Variants in SEMA6D observed in about 807,000 individuals in gnomAD.
The protein encoded by SEMA6D is semaphorin 6D.
In SEMA6D, 35 loss-of-function variants were observed where a neutral mutation model predicts 106.6. That is an observed-to-expected ratio of 0.33 (90% CI 0.25 to 0.44). SEMA6D has a LOEUF of 0.44. SEMA6D is among the 20% of genes least tolerant of loss of function. SEMA6D has a pLI of 1.00. For missense variants in SEMA6D, 1,185 were observed against 1,345.9 expected (o/e 0.88, Z 1.87); for synonymous variants, 499 against 487.7 (o/e 1.02, Z -0.31).
chr15:47,220,563 G>A (rs1229139675), intron 1 of SEMA6D, among the ~76,000 whole-genome samples: 1 of 151,946 alleles, frequency 6.6e-6, no homozygotes. Flanking sequence ...AGGGGGAATG[G>A]GCTCACCAAA....
chr15:47,336,920 A>G (rs1263037578), intron 1 of SEMA6D, among the ~76,000 whole-genome samples: 2 of 152,150 alleles, frequency 1.3e-5, no homozygotes, highest in African/African-American at 2.4e-5. Context: ...AGATCAGCTC[A>G]GTGGGTTGGA....
chr15:47,682,911 A>C (rs1034195269), intron 4 of SEMA6D, among the ~76,000 whole-genome samples: 2 of 152,226 alleles, frequency 1.3e-5, no homozygotes, highest in African/African-American at 4.8e-5. Flanking sequence ...TTTCCCCAGC[A>C]AAAGTGCATG....
At chr15:47,442,987 G>A (rs996149932) in intron 2 of SEMA6D, among the ~76,000 whole-genome samples, 21 of 152,064 alleles carry the variant, frequency 1.4e-4, no homozygotes, top group Non-Finnish European at 2.8e-4. Flanking sequence ...AAACAGACAG[G>A]CAAATACTTC....
intron 1 of SEMA6D, among the ~76,000 whole-genome samples, chr15:47,243,479 A>AT (rs2033034372): frequency 6.6e-6 from 1 of 151,936 alleles, no homozygotes; most frequent in Admixed American, 6.6e-5. Context: ...TTTGGGGAGT[A>AT]TTGATTTTAA....
At chr15:47,400,180 C>A (rs1036442194) in intron 1 of SEMA6D, among the ~76,000 whole-genome samples, 1 of 152,254 alleles carries the variant, frequency 6.6e-6, no homozygotes, top group South Asian at 2.1e-4. Flanking sequence ...TACTTCCCAG[C>A]GAACACACTG....
chr15:47,730,347 A>G, intron 1 of SEMA6D: 2 of 1,455,046 alleles, frequency 1.4e-6, no homozygotes, highest in East Asian at 4.5e-5. Context: ...ACAGTGGTGC[A>G]GGTCTTCCTG....
At chr15:47,293,693 A>C (rs1333894897) in intron 1 of SEMA6D, among the ~76,000 whole-genome samples, 1 of 152,198 alleles carries the variant, frequency 6.6e-6, no homozygotes, top group African/African-American at 2.4e-5. Context: ...GGGAGTAGGA[A>C]AGCAGTCTGT....
At chr15:47,388,248 T>C (rs1051916827) in intron 1 of SEMA6D, among the ~76,000 whole-genome samples, 2 of 152,230 alleles carry the variant, frequency 1.3e-5, no homozygotes, top group Non-Finnish European at 2.9e-5. Context: ...GAGTTGTTTT[T>C]ATATTGATAT....
chr15:47,737,604 G>A (rs1369251109), intron 1 of SEMA6D, among the ~76,000 whole-genome samples: 1 of 151,824 alleles, frequency 6.6e-6, no homozygotes, highest in Non-Finnish European at 1.5e-5. Context: ...GAGGATTACT[G>A]GTTTTCATTA....
chr15:47,645,951 G>A (rs948365970), intron 4 of SEMA6D, among the ~76,000 whole-genome samples: 3 of 152,156 alleles, frequency 2.0e-5, no homozygotes, highest in African/African-American at 7.2e-5. Context: ...GAGGCACCGA[G>A]CTTCCGTGTC....
intron 3 of SEMA6D, among the ~76,000 whole-genome samples, chr15:47,526,346 G>T (rs1004969377): frequency 6.6e-6 from 1 of 152,124 alleles, no homozygotes; most frequent in Non-Finnish European, 1.5e-5. Context: ...CTGGAAAGGG[G>T]GGTCCTTTTT....
intron 3 of SEMA6D, among the ~76,000 whole-genome samples, chr15:47,587,914 G>A (rs745508103): frequency 1.3e-5 from 2 of 152,006 alleles, no homozygotes; most frequent in Non-Finnish European, 2.9e-5. Flanking sequence ...GTAGCTAAAT[G>A]AGAGTTGAGA....
At chr15:47,232,844 A>G (rs1198699319) in intron 1 of SEMA6D, among the ~76,000 whole-genome samples, 1 of 151,800 alleles carries the variant, frequency 6.6e-6, no homozygotes, top group Non-Finnish European at 1.5e-5. Context: ...CCATCATCAG[A>G]TATATGAAGT....
chr15:47,347,114 G>T (rs575690697), intron 1 of SEMA6D, among the ~76,000 whole-genome samples: 2 of 152,120 alleles, frequency 1.3e-5, no homozygotes, highest in South Asian at 2.1e-4. Flanking sequence ...CACCATGTTG[G>T]CCAGGCTGGT....
chr15:47,662,966 G>C (rs559351406), intron 4 of SEMA6D, among the ~76,000 whole-genome samples: 1 of 152,094 alleles, frequency 6.6e-6, no homozygotes, highest in East Asian at 1.9e-4. Context: ...AAATAGTTTA[G>C]CCAGGAGGAA....
chr15:47,423,168 G>C (rs1195116500), intron 2 of SEMA6D, among the ~76,000 whole-genome samples: 1 of 152,018 alleles, frequency 6.6e-6, no homozygotes, highest in Non-Finnish European at 1.5e-5. Flanking sequence ...CTTATGCTTA[G>C]GGAACATTTA....
At chr15:47,400,295 G>A (rs999366910) in intron 1 of SEMA6D, among the ~76,000 whole-genome samples, 1 of 152,064 alleles carries the variant, frequency 6.6e-6, no homozygotes, top group African/African-American at 2.4e-5. Flanking sequence ...TTCAAGACCA[G>A]CTTGGCCAAC....
chr15:47,225,563 G>T (rs1164298188), intron 1 of SEMA6D, among the ~76,000 whole-genome samples: 2 of 120,740 alleles, frequency 1.7e-5, no homozygotes, highest in South Asian at 2.6e-4. Flanking sequence ...GTTTTGCTCT[G>T]GTTGCCCAGG....
At chr15:47,767,504 C>T (rs929787837) in intron 17 of SEMA6D, 1 of 155,114 alleles carries the variant, frequency 6.4e-6, no homozygotes, top group Non-Finnish European at 1.4e-5. Context: ...ACACATTTCC[C>T]ATAAATGTGT....
Sources: gnomAD v4.1 joint callset for allele counts (sites outside exome capture counted in the v4.1 genomes callset) on GRCh38, gnomAD v4.1.1 for gene constraint, MANE v1.5 for transcripts, NCBI Gene and HGNC (gene_info 2026-07-23, HGNC 2026-07-21) for gene names.